Variants in ALDH2 observed in about 807,000 individuals in gnomAD.
ALDH2 encodes aldehyde dehydrogenase 2 family member, also known as aldehyde dehydrogenase, mitochondrial.
In ALDH2, 44 loss-of-function variants were observed where a neutral mutation model predicts 59.6. The observed-to-expected ratio is 0.74, with a 90% CI of 0.58 to 0.95. The LOEUF (loss-of-function observed/expected upper bound fraction) is 0.95. Ranked by LOEUF, ALDH2 falls within the 40% of genes least tolerant of loss-of-function variation. The pLI is 0.00. For synonymous variants in ALDH2, 291 were observed against 284.0 expected (o/e 1.02, Z -0.25); for missense variants, 570 against 696.3 (o/e 0.82, Z 2.04).
At chr12:111,805,101 G>A (rs974961742) in intron 12 of ALDH2, among the ~76,000 whole-genome samples, 1 of 152,106 alleles carries the variant, frequency 6.6e-6, no homozygotes, top group Non-Finnish European at 1.5e-5. Flanking sequence ...TATTTGATAT[G>A]AAAAATGCTT....
intron 1 of ALDH2, among the ~76,000 whole-genome samples, chr12:111,770,714 G>T (rs1024827397): frequency 2.0e-5 from 3 of 151,924 alleles, no homozygotes; most frequent in African/African-American, 7.3e-5. Flanking sequence ...GTGTGATCTT[G>T]GCTCACTCTA....
chr12:111,788,684 C>A (rs1312197212), intron 4 of ALDH2, among the ~76,000 whole-genome samples: 2 of 152,116 alleles, frequency 1.3e-5, no homozygotes, highest in African/African-American at 4.8e-5. Context: ...AGCTTTCTTC[C>A]AGGGTCACAA....
intron 9 of ALDH2, among the ~76,000 whole-genome samples, chr12:111,793,339 C>T (rs1435078529): frequency 6.6e-6 from 1 of 152,048 alleles, no homozygotes; most frequent in African/African-American, 2.4e-5. Flanking sequence ...CCTGCTTTGG[C>T]CTCTCAAAGT....
chr12:111,799,896 C>G lies in ALDH2; in HGVS notation c.1249-10C>G. Reference sequence around the variant, plus strand: ...TTGCCGAACCCTCCTACGCTGCTCTCTCACTCCAGATCTTCGGGCCAGTGA... The same window carrying G: ...TTGCCGAACCCTCCTACGCTGCTCTGTCACTCCAGATCTTCGGGCCAGTGA... On this transcript the variant is annotated splice_polypyrimidine_tract_variant and intron_variant, in intron 10 of 12. Coordinates refer to ENST00000261733, the MANE Select transcript of ALDH2 (RefSeq NM_000690.4). 1 of 1,612,100 alleles carries G rather than the reference C, an allele frequency of 6.2e-7. No individual in the cohort carries two copies. Among genetic ancestry groups the G allele is most frequent in the Non-Finnish European group, 8.5e-7 (1 of 1,178,904 alleles).
intron 1 of ALDH2, among the ~76,000 whole-genome samples, chr12:111,777,107 T>TGGAAGAACTGA (rs112000082): frequency 0.017 from 2,540 of 152,208 alleles, 83 homozygotes; most frequent in African/African-American, 0.058. Flanking sequence ...AGGTTGGAGT[T>TGGAAGAACTGA]GGGAAAAACA....
chr12:111,793,840 C>T (rs1340161446), intron 9 of ALDH2, among the ~76,000 whole-genome samples: 1 of 151,646 alleles, frequency 6.6e-6, no homozygotes, highest in Non-Finnish European at 1.5e-5. Context: ...CTGTCAGGCA[C>T]CCAGCCTCGG....
intron 1 of ALDH2, among the ~76,000 whole-genome samples, chr12:111,777,743 T>G (rs1239850654): frequency 6.6e-6 from 1 of 152,158 alleles, no homozygotes; most frequent in Admixed American, 6.6e-5. Context: ...TAGTCCAACT[T>G]GAACTTAGGT....
intron 9 of ALDH2, among the ~76,000 whole-genome samples, chr12:111,793,658 C>T (rs946869569): frequency 1.3e-5 from 2 of 151,356 alleles, no homozygotes; most frequent in African/African-American, 2.4e-5. Context: ...TGCAGTGGCA[C>T]GATCTCGACT....
intron 1 of ALDH2, among the ~76,000 whole-genome samples, chr12:111,767,835 T>G (rs566358087): frequency 6.6e-6 from 1 of 152,338 alleles, no homozygotes; most frequent in Non-Finnish European, 1.5e-5. Context: ...AGGCTGAAAT[T>G]GGTTATGAAA....
At chr12:111,790,673 G>A (rs1322666199) in intron 6 of ALDH2, 111 bp downstream of exon 6, 10 of 1,426,956 alleles carry the variant, frequency 7.0e-6, no homozygotes, top group Non-Finnish European at 8.7e-6. Flanking sequence ...TGTTTGTGGA[G>A]CCCCCATCAC....
chr12:111,800,026 A>G lies in ALDH2; in HGVS notation c.1369A>G (p.Asn457Asp). The change falls in exon 11 of 13, where the codon AAT becomes GAT. Residue 457 changes from asparagine to aspartate, a missense_variant. By Grantham distance (23) the Asn-to-Asp change is conservative. Coordinates refer to ENST00000261733, the MANE Select transcript of ALDH2 (RefSeq NM_000690.4). ...AVFTKDLDKANYLSQALQAGT... is the reference protein window; with the variant it reads ...AVFTKDLDKADYLSQALQAGT... ...CTTCACAAAGGATTTGGACAAGGCCAATTACCTGTCCCAGGCCCTCCAGGC... is the reference window on the plus strand; with the variant it reads ...CTTCACAAAGGATTTGGACAAGGCCGATTACCTGTCCCAGGCCCTCCAGGC... 1 of 1,613,640 alleles carries G rather than the reference A, an allele frequency of 6.2e-7. No individual in the cohort carries two copies. The highest frequency in any genetic ancestry group is 1.1e-5 in the South Asian group (1 of 91,000).
At chr12:111,805,970 C>T (rs1331376930) in intron 12 of ALDH2, among the ~76,000 whole-genome samples, 1 of 148,408 alleles carries the variant, frequency 6.7e-6, no homozygotes, top group African/African-American at 2.5e-5. Flanking sequence ...TTGCAGTGAG[C>T]CAAGATTGCA....
chr12:111,781,852 T>A, intron 1 of ALDH2, 66 bp from the exon 2 acceptor site: 1 of 1,185,094 alleles, frequency 8.4e-7, no homozygotes, highest in Non-Finnish European at 1.2e-6. Flanking sequence ...TTTTTTTCCT[T>A]ACAATACTGG....
chr12:111,791,323 T>G lies in ALDH2; in HGVS notation c.699T>G (p.Gly233=), dbSNP rs781479853. Residue 233 remains glycine (G), a synonymous_variant, in exon 7 of 13, where the codon GGT becomes GGG. Coordinates refer to ENST00000261733, the MANE Select transcript of ALDH2 (RefSeq NM_000690.4). Reference sequence around the variant, plus strand: ...GCTCACAGGCTGGCTTTCCCCCTGGTGTGGTCAACATTGTGCCTGGATTTG... The same window carrying G: ...GCTCACAGGCTGGCTTTCCCCCTGGGGTGGTCAACATTGTGCCTGGATTTG... The part of the protein sequence containing the change: ...NLIKEAGFPP[G]VVNIVPGFGP... 1 of 1,613,984 alleles carries G rather than the reference T, an allele frequency of 6.2e-7. No homozygotes were observed. Among genetic ancestry groups the G allele is most frequent in the Non-Finnish European group, 8.5e-7 (1 of 1,179,944 alleles).
intron 4 of ALDH2, 46 bp from the exon 5 acceptor site, chr12:111,789,777 T>A: frequency 6.6e-7 from 1 of 1,505,276 alleles, no homozygotes; most frequent in Non-Finnish European, 9.2e-7. Flanking sequence ...TTTGCAGGGG[T>A]CCCTGACAAT....
At chr12:111,771,919 T>C (rs1327210703) in intron 1 of ALDH2, among the ~76,000 whole-genome samples, 2 of 152,018 alleles carry the variant, frequency 1.3e-5, no homozygotes, top group Admixed American at 6.6e-5. Context: ...ACCAACATGG[T>C]GAAACCCTGA....
Position 111,814,689 on chromosome 12 carries a change from A to G in ALDH2, c.*5114A>G, listed in dbSNP as rs980954062. 10 of 151,736 alleles carry G rather than the reference A, an allele frequency of 6.6e-5. No individual in the cohort carries two copies. The highest frequency in any genetic ancestry group is 3.9e-4 in the Admixed American group (6 of 15,212). 9.4% of individuals were successfully genotyped at this position (151,736 alleles called of 1,614,324 possible). A position where few individuals can be genotyped will look rare whatever the true frequency, so the allele number is the denominator to read the frequency against. ...ATGAAAACCCATCTCTGCTAAAAAT[A>G]CAAAAAATTGGCTGGGCTTGGTAGC... is the stretch of plus-strand genomic sequence containing the variant. On this transcript the variant is annotated 3_prime_UTR_variant, in exon 13 of 13. Coordinates refer to ENST00000261733, the MANE Select transcript of ALDH2 (RefSeq NM_000690.4).
chr12:111,789,103 C>T (rs1250567023), intron 4 of ALDH2, among the ~76,000 whole-genome samples: 4 of 149,690 alleles, frequency 2.7e-5, no homozygotes, highest in Non-Finnish European at 4.5e-5. Context: ...CTGCAACCTC[C>T]GCCTCCCAGG....
chr12:111,791,291 G>A lies in ALDH2; in HGVS notation c.682-15G>A. ...GGAGGGTGACTCCCAATGTCCCCTG[G>A]CTGTTTGCTCACAGGCTGGCTTTCC... On this transcript the variant is annotated splice_polypyrimidine_tract_variant and intron_variant, in intron 6 of 12. Coordinates refer to ENST00000261733, the MANE Select transcript of ALDH2 (RefSeq NM_000690.4). The A allele has an allele frequency of 6.2e-7, 1 of 1,602,436 alleles. No individual in the cohort carries two copies. Among genetic ancestry groups the A allele is most frequent in the Non-Finnish European group, 8.5e-7 (1 of 1,170,358 alleles).
Sources: allele counts gnomAD v4.1 joint callset (sites outside exome capture counted in the v4.1 genomes callset), GRCh38; gene constraint gnomAD v4.1.1; transcripts MANE v1.5; gene names NCBI Gene and HGNC (gene_info 2026-07-23, HGNC 2026-07-21).